KCNK2: variants seen among roughly 807,000 people sequenced by gnomAD.
KCNK2 encodes potassium two pore domain channel subfamily K member 2, also known as potassium channel subfamily K member 2.
In KCNK2, 21 loss-of-function variants were observed where a neutral mutation model predicts 40.5. That is an observed-to-expected ratio of 0.52 (90% CI 0.37 to 0.75). KCNK2 has a LOEUF of 0.75. Ranked by LOEUF, KCNK2 falls within the 30% of genes least tolerant of loss-of-function variation. The probability of loss-of-function intolerance (pLI) is 0.00; values close to 1 mark genes in which losing one functional copy is unlikely to be tolerated. For synonymous variants in KCNK2, 191 were observed against 202.2 expected (o/e 0.94, Z 0.47); for missense variants, 399 against 531.6 (o/e 0.75, Z 2.45).
At chr1:215,047,441 G>C (rs1162086423) in intron 1 of KCNK2, among the ~76,000 whole-genome samples, 2 of 152,026 alleles carry the variant, frequency 1.3e-5, no homozygotes, top group Non-Finnish European at 2.9e-5. Context: ...GAGAGATTAA[G>C]TAACTTGCCC....
chr1:215,063,091 TG>T (rs1293682705), intron 1 of KCNK2, among the ~76,000 whole-genome samples: 1 of 152,146 alleles, frequency 6.6e-6, no homozygotes, highest in Non-Finnish European at 1.5e-5. Flanking sequence ...CTGATGGATT[TG>T]GGTCAAGGAG....
At chr1:215,020,086 T>C (rs1457534079) in intron 1 of KCNK2, among the ~76,000 whole-genome samples, 1 of 152,118 alleles carries the variant, frequency 6.6e-6, no homozygotes, top group South Asian at 2.1e-4. Context: ...GTTGAGTGAG[T>C]GTACATTTTC....
intron 1 of KCNK2, chr1:215,083,708 A>T: frequency 3.6e-6 from 2 of 551,428 alleles, no homozygotes; most frequent in Non-Finnish European, 6.5e-6. Context: ...ATGGAGAAGG[A>T]GGGTCAGCCC....
intron 1 of KCNK2, among the ~76,000 whole-genome samples, chr1:215,029,275 A>T (rs1325977243): frequency 6.6e-6 from 1 of 151,832 alleles, no homozygotes; most frequent in Non-Finnish European, 1.5e-5. Context: ...TATTTCACCT[A>T]ATTCATCCCT....
At chr1:215,079,443 G>A (rs1270472100), upstream of KCNK2, among the ~76,000 whole-genome samples, 2 of 152,194 alleles carry the variant, frequency 1.3e-5, no homozygotes, top group Non-Finnish European at 2.9e-5. Flanking sequence ...GAGAGTGAAG[G>A]AATGATTTCA....
At chr1:215,010,803 T>G (rs931459783) in intron 1 of KCNK2, among the ~76,000 whole-genome samples, 18 of 151,162 alleles carry the variant, frequency 1.2e-4, no homozygotes, top group Admixed American at 1.3e-4. Context: ...GAGAAGGGTA[T>G]AGGAGCCTCA....
chr1:215,058,092 A>T (rs1658232000), intron 1 of KCNK2, among the ~76,000 whole-genome samples: 1 of 152,110 alleles, frequency 6.6e-6, no homozygotes, highest in Non-Finnish European at 1.5e-5. Flanking sequence ...AAAGGAGAAC[A>T]TGAGAAATTT....
chr1:215,204,004 C>T (rs1210518010), intron 6 of KCNK2, among the ~76,000 whole-genome samples: 3 of 127,912 alleles, frequency 2.3e-5, no homozygotes, highest in Non-Finnish European at 4.7e-5. Context: ...CGCCACTGCA[C>T]TCCAGCCTGG....
chr1:215,181,858 G>A (rs1664230020), intron 5 of KCNK2, among the ~76,000 whole-genome samples: 3 of 152,196 alleles, frequency 2.0e-5, no homozygotes, highest in Admixed American at 2.0e-4. Context: ...CTCAGGCCAG[G>A]GGAGGCCACG....
intron 4 of KCNK2, among the ~76,000 whole-genome samples, chr1:215,170,256 C>A (rs897592631): frequency 2.0e-5 from 3 of 152,032 alleles, no homozygotes; most frequent in African/African-American, 7.2e-5. Flanking sequence ...TGTATCTACA[C>A]AATGTAATTT....
intron 6 of KCNK2, among the ~76,000 whole-genome samples, chr1:215,208,487 G>T (rs1223731118): frequency 6.6e-6 from 1 of 152,016 alleles, no homozygotes; most frequent in East Asian, 1.9e-4. Context: ...ATCTTCACAT[G>T]CATCCCCCAT....
intron 3 of KCNK2, among the ~76,000 whole-genome samples, chr1:215,149,717 A>G (rs1470991798): frequency 2.6e-5 from 4 of 152,220 alleles, no homozygotes; most frequent in Admixed American, 6.5e-5. Flanking sequence ...TCATGTGCAG[A>G]AGAGATTTTG....
intron 5 of KCNK2, among the ~76,000 whole-genome samples, chr1:215,175,611 A>G (rs542373048): frequency 6.6e-6 from 1 of 152,190 alleles, no homozygotes; most frequent in South Asian, 2.1e-4. Flanking sequence ...TACCAAGCTT[A>G]GTACCCAATA....
chr1:215,036,666 A>G (rs929251420), intron 1 of KCNK2, among the ~76,000 whole-genome samples: 3 of 151,894 alleles, frequency 2.0e-5, no homozygotes, highest in Non-Finnish European at 4.4e-5. Flanking sequence ...ATCTTTGAAT[A>G]TACTCTCCAT....
intron 2 of KCNK2, among the ~76,000 whole-genome samples, chr1:215,100,289 G>C (rs1013820556): frequency 9.9e-5 from 15 of 151,952 alleles, no homozygotes; most frequent in African/African-American, 3.6e-4. Flanking sequence ...AAGCAGGGCA[G>C]CCCAAAATAG....
chr1:215,153,349 G>A (rs1662769502), intron 3 of KCNK2, among the ~76,000 whole-genome samples: 1 of 152,086 alleles, frequency 6.6e-6, no homozygotes, highest in African/African-American at 2.4e-5. Flanking sequence ...TGTGGTGGAA[G>A]ACTAAATTAG....
chr1:215,209,489 A>AATATATAT (rs1558140374), intron 6 of KCNK2, among the ~76,000 whole-genome samples: 5 of 26,424 alleles, frequency 1.9e-4, no homozygotes, highest in African/African-American at 4.2e-4. Flanking sequence ...TATATAATAC[A>AATATATAT]TATATATAAT....
chr1:215,151,747 T>C (rs1389223843), intron 3 of KCNK2, among the ~76,000 whole-genome samples: 10 of 152,104 alleles, frequency 6.6e-5, no homozygotes, highest in Non-Finnish European at 1.5e-4. Context: ...TATAAATCTT[T>C]GTTGCTGTTG....
chr1:215,058,285 G>A (rs1558072304), intron 1 of KCNK2, among the ~76,000 whole-genome samples: 1 of 152,078 alleles, frequency 6.6e-6, no homozygotes, highest in African/African-American at 2.4e-5. Context: ...CCTTTTAGGG[G>A]ATACAGGATT....
Sources: allele counts gnomAD v4.1 joint callset (sites outside exome capture counted in the v4.1 genomes callset), GRCh38; gene constraint gnomAD v4.1.1; transcripts MANE v1.5; gene names NCBI Gene and HGNC (gene_info 2026-07-23, HGNC 2026-07-21).